RPS6KC1: variants seen among roughly 807,000 people sequenced by gnomAD.
RPS6KC1 encodes the protein ribosomal protein S6 kinase C1.
RPS6KC1 carries 54 observed loss-of-function variants against 103.8 expected under a neutral mutation model. That is an observed-to-expected ratio of 0.52 (90% CI 0.42 to 0.65). The LOEUF (loss-of-function observed/expected upper bound fraction) is 0.65. Ranked by LOEUF, RPS6KC1 falls within the 30% of genes least tolerant of loss-of-function variation. The pLI is 0.00. For synonymous variants in RPS6KC1, 439 were observed against 438.7 expected (o/e 1.00, Z -0.01); for missense variants, 1,151 against 1,253.8 (o/e 0.92, Z 1.24).
the RPS6KC1 span, among the ~76,000 whole-genome samples, chr1:213,362,024 C>G: frequency 6.6e-6 from 1 of 152,138 alleles, no homozygotes; most frequent in African/African-American, 2.4e-5. Context: ...TTTTAAAACC[C>G]TTTTTTCTCT....
At chr1:213,389,927 G>A in the RPS6KC1 span, among the ~76,000 whole-genome samples, 1 of 152,070 alleles carries the variant, frequency 6.6e-6, no homozygotes, top group Non-Finnish European at 1.5e-5. Context: ...CAGTGGCCCT[G>A]TGTTTATGGA....
chr1:213,194,392 G>A (rs1300668268), intron 8 of RPS6KC1, among the ~76,000 whole-genome samples: 1 of 152,022 alleles, frequency 6.6e-6, no homozygotes, highest in African/African-American at 2.4e-5. Flanking sequence ...CTTCCTTCCT[G>A]TATTCCTGTT....
chr1:213,554,362 A>G, the RPS6KC1 span, among the ~76,000 whole-genome samples: 1 of 151,998 alleles, frequency 6.6e-6, no homozygotes, highest in African/African-American at 2.4e-5. Context: ...TTTCTCTAAC[A>G]TGTTCCATTG....
At chr1:213,652,683 T>C in the RPS6KC1 span, among the ~76,000 whole-genome samples, 1 of 152,196 alleles carries the variant, frequency 6.6e-6, no homozygotes, top group Non-Finnish European at 1.5e-5. Flanking sequence ...GAAGCTGGTC[T>C]GGCCTTTGCC....
chr1:213,437,750 G>GTT, the RPS6KC1 span, among the ~76,000 whole-genome samples: 7 of 149,380 alleles, frequency 4.7e-5, no homozygotes, highest in Admixed American at 2.0e-4. Context: ...TCTGCCTTTT[G>GTT]TTTTTTTTTG....
intron 1 of RPS6KC1, among the ~76,000 whole-genome samples, chr1:213,055,534 A>G (rs971889869): frequency 5.9e-5 from 9 of 152,208 alleles, no homozygotes; most frequent in Admixed American, 5.9e-4. Flanking sequence ...GAACATTCAT[A>G]TACAAGTCTT....
the RPS6KC1 span, among the ~76,000 whole-genome samples, chr1:213,415,845 T>G: frequency 6.6e-6 from 1 of 152,364 alleles, no homozygotes; most frequent in South Asian, 2.1e-4. Flanking sequence ...TGAGGCCTCA[T>G]GCTTCAGACC....
At chr1:213,404,129 C>A in the RPS6KC1 span, among the ~76,000 whole-genome samples, 2 of 152,114 alleles carry the variant, frequency 1.3e-5, no homozygotes, top group Admixed American at 1.3e-4. Context: ...AGCTCCTGTG[C>A]GTAGATAACA....
At chr1:213,691,594 C>A in the RPS6KC1 span, among the ~76,000 whole-genome samples, 4 of 152,194 alleles carry the variant, frequency 2.6e-5, no homozygotes, top group South Asian at 2.1e-4. Flanking sequence ...GTGTTTCGGT[C>A]TCCAAAGCAT....
chr1:213,108,235 C>T (rs2148813722), intron 4 of RPS6KC1, among the ~76,000 whole-genome samples: 1 of 152,240 alleles, frequency 6.6e-6, no homozygotes, highest in East Asian at 1.9e-4. Flanking sequence ...TTTAATGTTA[C>T]AGGTCTGTGA....
chr1:213,461,353 C>T, the RPS6KC1 span, among the ~76,000 whole-genome samples: 1 of 152,176 alleles, frequency 6.6e-6, no homozygotes, highest in Non-Finnish European at 1.5e-5. Context: ...AATGACCATA[C>T]TGCCCTAAGT....
intron 5 of RPS6KC1, among the ~76,000 whole-genome samples, chr1:213,120,358 A>T (rs1445524212): frequency 6.6e-6 from 1 of 152,210 alleles, no homozygotes; most frequent in Non-Finnish European, 1.5e-5. Context: ...ATAAATACAG[A>T]TAGATCAAAG....
chr1:213,121,242 T>C (rs1016036469), intron 5 of RPS6KC1, among the ~76,000 whole-genome samples: 1 of 152,216 alleles, frequency 6.6e-6, no homozygotes, highest in African/African-American at 2.4e-5. Context: ...GCCTGTTTTT[T>C]AAAATTACAG....
the RPS6KC1 span, among the ~76,000 whole-genome samples, chr1:213,417,546 G>T: frequency 6.6e-6 from 1 of 152,176 alleles, no homozygotes; most frequent in African/African-American, 2.4e-5. Context: ...GGGAAAGCCA[G>T]TGGGGGCTCG....
the RPS6KC1 span, among the ~76,000 whole-genome samples, chr1:213,575,362 G>A: frequency 6.6e-6 from 1 of 152,164 alleles, no homozygotes; most frequent in African/African-American, 2.4e-5. Context: ...AATGAGACCT[G>A]TAAGAGGATC....
the RPS6KC1 span, among the ~76,000 whole-genome samples, chr1:213,553,659 G>T: frequency 6.6e-6 from 1 of 151,800 alleles, no homozygotes; most frequent in Non-Finnish European, 1.5e-5. Flanking sequence ...GTGTATCAGC[G>T]TTTCCTTTTC....
the RPS6KC1 span, among the ~76,000 whole-genome samples, chr1:213,475,230 T>A: frequency 6.6e-6 from 1 of 152,122 alleles, no homozygotes; most frequent in Non-Finnish European, 1.5e-5. Flanking sequence ...TGGAGAAGAT[T>A]TTTGCCATGG....
chr1:213,199,765 G>A (rs1340474021), intron 8 of RPS6KC1, among the ~76,000 whole-genome samples: 1 of 152,138 alleles, frequency 6.6e-6, no homozygotes, highest in African/African-American at 2.4e-5. Flanking sequence ...AGCTTCTTAA[G>A]CCAATAAACA....
the RPS6KC1 span, among the ~76,000 whole-genome samples, chr1:213,793,319 C>T: frequency 3.4e-4 from 51 of 152,218 alleles, no homozygotes; most frequent in Non-Finnish European, 7.1e-4. Context: ...CTCAAAGACA[C>T]CTCAACCTTG....
Sources: gnomAD v4.1 joint callset for allele counts (sites outside exome capture counted in the v4.1 genomes callset) on GRCh38, gnomAD v4.1.1 for gene constraint, MANE v1.5 for transcripts, NCBI Gene and HGNC (gene_info 2026-07-23, HGNC 2026-07-21) for gene names.